Variants in DPP6 observed in about 807,000 individuals in gnomAD.
The protein encoded by DPP6 is A-type potassium channel modulatory protein DPP6.
A neutral mutation model predicts 122.6 loss-of-function variants in DPP6; 69 were observed. The observed-to-expected ratio is 0.56, with a 90% CI of 0.46 to 0.69. The LOEUF is 0.69. DPP6 is among the 30% of genes least tolerant of loss of function. DPP6 has a pLI of 0.00. For missense variants in DPP6, 928 were observed against 1,116.9 expected (o/e 0.83, Z 2.41); for synonymous variants, 418 against 433.1 (o/e 0.97, Z 0.43).
At chr7:153,989,684 G>C (rs930320086) in intron 1 of DPP6, among the ~76,000 whole-genome samples, 3 of 152,008 alleles carry the variant, frequency 2.0e-5, no homozygotes, top group Non-Finnish European at 4.4e-5. Context: ...AGAGAGTCTG[G>C]GGATGGAGAA....
intron 1 of DPP6, among the ~76,000 whole-genome samples, chr7:154,276,546 G>T (rs1239438732): frequency 2.0e-5 from 3 of 152,198 alleles, no homozygotes; most frequent in Non-Finnish European, 2.9e-5. Flanking sequence ...GAATGCAAAT[G>T]GGAAATTAAG....
intron 4 of DPP6, among the ~76,000 whole-genome samples, chr7:154,554,550 G>A (rs1169389904): frequency 3.3e-5 from 5 of 149,900 alleles, no homozygotes; most frequent in Non-Finnish European, 5.9e-5. Context: ...TCTACTACAG[G>A]AAAAACAAAC....
the DPP6 span, among the ~76,000 whole-genome samples, chr7:153,859,464 G>GA: frequency 6.6e-6 from 1 of 152,176 alleles, no homozygotes; most frequent in Admixed American, 6.5e-5. Context: ...ATGTTGTGCA[G>GA]AAAAAAACTT....
At chr7:154,014,598 G>C (rs1365606561) in intron 1 of DPP6, among the ~76,000 whole-genome samples, 1 of 151,908 alleles carries the variant, frequency 6.6e-6, no homozygotes, top group African/African-American at 2.4e-5. Flanking sequence ...GGAGACGGAG[G>C]TTGTAGTGAG....
chr7:154,054,361 T>G (rs1482735637), intron 1 of DPP6, among the ~76,000 whole-genome samples: 4 of 152,108 alleles, frequency 2.6e-5, no homozygotes, highest in Non-Finnish European at 5.9e-5. Flanking sequence ...AATTCCTAAT[T>G]GCCAGATACT....
intron 1 of DPP6, among the ~76,000 whole-genome samples, chr7:153,996,047 C>G (rs1193179943): frequency 6.6e-6 from 1 of 152,144 alleles, no homozygotes; most frequent in Non-Finnish European, 1.5e-5. Context: ...ATGTCTCATT[C>G]ATTTCCTGTC....
intron 4 of DPP6, among the ~76,000 whole-genome samples, chr7:154,541,804 G>T (rs1426345519): frequency 6.6e-6 from 1 of 152,084 alleles, no homozygotes; most frequent in Non-Finnish European, 1.5e-5. Flanking sequence ...AAATTAACCG[G>T]TTCCCTGGTT....
intron 10 of DPP6, among the ~76,000 whole-genome samples, chr7:154,777,351 G>T (rs141839313): frequency 6.6e-6 from 1 of 152,146 alleles, no homozygotes; most frequent in Non-Finnish European, 1.5e-5. Flanking sequence ...AGGCCCTCTT[G>T]GGAAACGGTT....
intron 10 of DPP6, among the ~76,000 whole-genome samples, chr7:154,779,273 A>ACCTCCACCACCACCCCCACCATCG (rs1796871451): frequency 7.2e-5 from 5 of 69,284 alleles, no homozygotes; most frequent in Non-Finnish European, 6.6e-5. Context: ...CCCTATCACC[A>ACCTCCACCACCACCCCCACCATCG]CCTCCACCAC....
chr7:154,045,195 A>C (rs367612960), intron 1 of DPP6, among the ~76,000 whole-genome samples: 22 of 22,964 alleles, frequency 9.6e-4, no homozygotes, highest in African/African-American at 3.0e-3. Flanking sequence ...AAAGTCTTAG[A>C]AAAGATAAAA....
At chr7:154,407,309 C>G (rs560191630) in intron 1 of DPP6, among the ~76,000 whole-genome samples, 1 of 152,186 alleles carries the variant, frequency 6.6e-6, no homozygotes, top group Non-Finnish European at 1.5e-5. Flanking sequence ...TTTGGTTCAT[C>G]ATGGTTCCCT....
intron 1 of DPP6, among the ~76,000 whole-genome samples, chr7:154,319,176 T>C (rs1345089820): frequency 6.6e-6 from 1 of 152,256 alleles, no homozygotes; most frequent in African/African-American, 2.4e-5. Flanking sequence ...CAACAAAAAT[T>C]ATACCTAATG....
chr7:154,481,346 G>GTGTGTGTGTGTGT lies in DPP6; in HGVS notation c.457+6309_457+6310insTGTGTGTGTGTGT, dbSNP rs58430009. Among the ~76,000 whole-genome samples, 108 of 148,060 alleles carry GTGTGTGTGTGTGT rather than the reference G, an allele frequency of 7.3e-4. 2 individuals carry two copies. Among genetic ancestry groups the GTGTGTGTGTGTGT allele is most frequent in the South Asian group, 5.3e-3 (25 of 4,702 alleles). The stretch of plus-strand genomic sequence containing the variant: ...ATACACTTGGAGAGAGAGAGAGAGG[G>GTGTGTGTGTGTGT]GTGTGTGTGTGTGTGTGTGTGTGTG... On this transcript the variant is annotated intron_variant, in intron 3 of 25. Coordinates refer to ENST00000377770, the MANE Select transcript of DPP6 (RefSeq NM_130797.4). The surrounding 1 kb of genome is among the most constrained non-coding windows in gnomAD (Gnocchi z 4.2).
chr7:154,390,386 T>C (rs1814512046), intron 1 of DPP6, among the ~76,000 whole-genome samples: 2 of 151,940 alleles, frequency 1.3e-5, no homozygotes, highest in African/African-American at 2.4e-5. Context: ...CTGAGTGAGA[T>C]TGGAAGGTGT....
At chr7:154,805,562 T>C (rs1157580430) in intron 15 of DPP6, among the ~76,000 whole-genome samples, 1 of 152,210 alleles carries the variant, frequency 6.6e-6, no homozygotes, top group Non-Finnish European at 1.5e-5. Context: ...AAGGCTAATA[T>C]TTATGATGAG....
Position 153,935,519 on chromosome 7 carries a change from C to T in DPP6, c.51+47785C>T, listed in dbSNP as rs533408846. 6.6e-4 allele frequency among the ~76,000 whole-genome samples: 101 copies of T among 152,310 alleles called. 1 individual carries two copies. The South Asian group carries it at 7.5e-3, about 11-fold the overall frequency. ...CTGGTCTCCCTGCCGTCCGAGGCCC[C>T]GTTGGCCCCTCTCGATTATGATCCA... is the stretch of plus-strand genomic sequence containing the variant. On this transcript the variant is annotated intron_variant, in intron 1 of 25. Transcript: ENST00000404039.
At chr7:154,173,136 A>T (rs1044201026) in intron 1 of DPP6, among the ~76,000 whole-genome samples, 4 of 152,202 alleles carry the variant, frequency 2.6e-5, no homozygotes, top group Non-Finnish European at 4.4e-5. Flanking sequence ...GGCAAATAGC[A>T]GTTGTTTCTT....
intron 1 of DPP6, among the ~76,000 whole-genome samples, chr7:153,888,226 G>T (rs1006074235): frequency 6.6e-6 from 1 of 152,192 alleles, no homozygotes; most frequent in African/African-American, 2.4e-5. Flanking sequence ...GGCGCCAGTC[G>T]CTCCGCTCCG....
intron 3 of DPP6, among the ~76,000 whole-genome samples, chr7:154,524,194 A>G (rs1445779223): frequency 6.6e-6 from 1 of 152,228 alleles, no homozygotes; most frequent in Non-Finnish European, 1.5e-5. Flanking sequence ...TGGAAAATAA[A>G]TAGTTTTGTT....
Sources: allele counts gnomAD v4.1 joint callset (sites outside exome capture counted in the v4.1 genomes callset), GRCh38; gene constraint gnomAD v4.1.1; non-coding constraint Gnocchi (gnomAD v3.1); transcripts MANE v1.5; gene names NCBI Gene and HGNC (gene_info 2026-07-23, HGNC 2026-07-21).